Variants in RIN2 observed in about 807,000 individuals in gnomAD.
The protein encoded by RIN2 is Ras and Rab interactor 2, also known as RAB5 interacting protein 2.
A neutral mutation model predicts 78.0 loss-of-function variants in RIN2; 36 were observed. The observed-to-expected ratio is 0.46, with a 90% CI of 0.35 to 0.61. RIN2 has a LOEUF of 0.61. Ranked by LOEUF, RIN2 falls within the 20% of genes least tolerant of loss-of-function variation. The pLI, the probability that RIN2 is intolerant of heterozygous loss-of-function variation, is 0.00. For missense variants in RIN2, 1,087 were observed against 1,159.7 expected (o/e 0.94, Z 0.91); for synonymous variants, 466 against 466.8 (o/e 1.00, Z 0.02).
intron 2 of RIN2, among the ~76,000 whole-genome samples, chr20:19,871,182 T>A (rs6035463): frequency 0.23 from 34,584 of 152,078 alleles, 4,229 homozygotes; most frequent in African/African-American, 0.32. Flanking sequence ...TGGGAGCAGA[T>A]CTGGACCAAG....
intron 2 of RIN2, among the ~76,000 whole-genome samples, chr20:19,876,795 C>T (rs1215112821): frequency 6.6e-5 from 10 of 151,810 alleles, no homozygotes; most frequent in Admixed American, 5.9e-4. Context: ...ATTCCAGCTA[C>T]TCAGGAGGCT....
intron 2 of RIN2, among the ~76,000 whole-genome samples, chr20:19,835,124 AAGAAAGGAAGGAAGGGAGGG>A (rs2123035158): frequency 8.9e-6 from 1 of 112,930 alleles, no homozygotes; most frequent in South Asian, 4.1e-4. Context: ...GGGAGGAAGG[AAGAAAGGAAGGAAGGGAGGG>A]AGGAAGGAAG....
chr20:19,931,322 T>G (rs997577490), intron 3 of RIN2, among the ~76,000 whole-genome samples: 1 of 151,224 alleles, frequency 6.6e-6, no homozygotes, highest in South Asian at 2.1e-4. Flanking sequence ...AAAAAACTTT[T>G]TATAGAGACG....
chr20:19,903,020 G>C (rs564827176), intron 3 of RIN2, among the ~76,000 whole-genome samples: 8 of 152,246 alleles, frequency 5.3e-5, no homozygotes, highest in African/African-American at 1.2e-4. Context: ...ATGAACTCAG[G>C]AGGCGGAGCG....
rs562033725 is a variant in RIN2 at position 19,772,352 on chromosome 20, G to C, written c.-163+14025G>C. ...TCTTCCGTTGTACCACTCTAGCCAGGATACTGCCCCCTGAACTGATTTTGT... is the reference window on the plus strand; with the variant it reads ...TCTTCCGTTGTACCACTCTAGCCAGCATACTGCCCCCTGAACTGATTTTGT... On this transcript the variant is annotated intron_variant, in intron 1 of 12. Transcript: ENST00000255006. 7.8e-4 allele frequency among the ~76,000 whole-genome samples: 119 copies of C among 152,264 alleles called. 1 individual carries two copies. The highest frequency in any genetic ancestry group is 2.3e-3 in the Admixed American group (35 of 15,296).
chr20:19,935,375 T>G (rs748215605), intron 4 of RIN2, 176 bp downstream of exon 4: 39 of 1,320,748 alleles, frequency 3.0e-5, no homozygotes, highest in Non-Finnish European at 3.7e-5. Flanking sequence ...GTTGTCTGCT[T>G]GTTTATTTTA....
chr20:19,886,702 A>G (rs1391356021), intron 2 of RIN2: 3 of 1,536,732 alleles, frequency 2.0e-6, no homozygotes, highest in East Asian at 2.5e-5. Context: ...AATCCACTTT[A>G]CCCTTCAGGG....
At chr20:19,915,867 T>C (rs2039662377) in intron 3 of RIN2, among the ~76,000 whole-genome samples, 1 of 152,252 alleles carries the variant, frequency 6.6e-6, no homozygotes, top group Non-Finnish European at 1.5e-5. Context: ...TGATATTGCA[T>C]GCTACAGATT....
At chr20:19,818,655 C>T (rs1291751819) in intron 2 of RIN2, among the ~76,000 whole-genome samples, 2 of 150,974 alleles carry the variant, frequency 1.3e-5, no homozygotes, top group African/African-American at 4.9e-5. Flanking sequence ...TTGCTTGAAC[C>T]CGGAAGGCAG....
intron 2 of RIN2, among the ~76,000 whole-genome samples, chr20:19,808,120 C>T (rs1467744341): frequency 6.6e-6 from 1 of 152,216 alleles, no homozygotes; most frequent in Admixed American, 6.5e-5. Flanking sequence ...AGCAAATGAA[C>T]CCAGACGTTG....
At chr20:19,902,733 C>T (rs1050209966) in intron 3 of RIN2, among the ~76,000 whole-genome samples, 1 of 152,146 alleles carries the variant, frequency 6.6e-6, no homozygotes, top group African/African-American at 2.4e-5. Context: ...CCAGATATGG[C>T]ATAAGTATAT....
intron 9 of RIN2, among the ~76,000 whole-genome samples, chr20:19,978,857 G>A (rs1427258138): frequency 6.6e-6 from 1 of 152,214 alleles, no homozygotes; most frequent in Non-Finnish European, 1.5e-5. Flanking sequence ...AATAAGAAGT[G>A]TGCAGTTTGG....
intron 2 of RIN2, among the ~76,000 whole-genome samples, chr20:19,842,404 T>A (rs1025106840): frequency 7.6e-6 from 1 of 131,126 alleles, no homozygotes; most frequent in African/African-American, 3.0e-5. Context: ...TTTTTTTTTT[T>A]TTTTTTTTTG....
At chr20:19,951,507 A>G (rs1266976965) in intron 4 of RIN2, among the ~76,000 whole-genome samples, 1 of 152,204 alleles carries the variant, frequency 6.6e-6, no homozygotes, top group Non-Finnish European at 1.5e-5. Flanking sequence ...AACACAGATC[A>G]CTTGGTTAAG....
intron 2 of RIN2, among the ~76,000 whole-genome samples, chr20:19,840,162 A>G (rs183320557): frequency 2.2e-3 from 330 of 152,350 alleles, no homozygotes; most frequent in African/African-American, 7.6e-3. Flanking sequence ...GTTTTAGCCA[A>G]CTCCAACCTC....
At chr20:19,957,130 G>T (rs2041577761) in intron 5 of RIN2, among the ~76,000 whole-genome samples, 1 of 152,180 alleles carries the variant, frequency 6.6e-6, no homozygotes, top group African/African-American at 2.4e-5. Context: ...GGATGAGCCT[G>T]GGTCTGAGAT....
intron 2 of RIN2, among the ~76,000 whole-genome samples, chr20:19,836,313 AT>A (rs1317427878): frequency 1.3e-5 from 2 of 152,188 alleles, no homozygotes; most frequent in Non-Finnish European, 2.9e-5. Context: ...ATTTGAGTGA[AT>A]TCATAAGTGA....
intron 1 of RIN2, among the ~76,000 whole-genome samples, chr20:19,772,359 C>T (rs2034160122): frequency 6.6e-6 from 1 of 152,164 alleles, no homozygotes; most frequent in Non-Finnish European, 1.5e-5. Flanking sequence ...CAGGATACTG[C>T]CCCCTGAACT....
intron 2 of RIN2, among the ~76,000 whole-genome samples, chr20:19,802,560 G>A (rs548546478): frequency 1.3e-5 from 2 of 152,174 alleles, no homozygotes; most frequent in South Asian, 2.1e-4. Context: ...GGTCTGGAGT[G>A]AGGCTGTGTT....
Sources: gnomAD v4.1 joint callset for allele counts (sites outside exome capture counted in the v4.1 genomes callset) on GRCh38, gnomAD v4.1.1 for gene constraint, MANE v1.5 for transcripts, NCBI Gene and HGNC (gene_info 2026-07-23, HGNC 2026-07-21) for gene names.